The following ESR1 variants were observed in gnomAD, a reference collection of about 807,000 sequenced individuals.
ESR1 encodes estrogen receptor 1, also known as estrogen receptor.
A neutral mutation model predicts 52.7 loss-of-function variants in ESR1; 12 were observed. The observed-to-expected ratio is 0.23, with a 90% CI of 0.15 to 0.37. The LOEUF (loss-of-function observed/expected upper bound fraction) is 0.37. Among genes scored for constraint, ESR1 ranks in the 10% least tolerant of loss-of-function variants. The pLI is 1.00. For synonymous variants in ESR1, 305 were observed against 316.8 expected (o/e 0.96, Z 0.39); for missense variants, 584 against 779.7 (o/e 0.75, Z 2.99).
At chr6:152,120,857 G>A (rs2051307606) in intron 6 of ESR1, among the ~76,000 whole-genome samples, 1 of 152,182 alleles carries the variant, frequency 6.6e-6, no homozygotes, top group Non-Finnish European at 1.5e-5. Context: ...CAGGCAAGGT[G>A]AAGGGCCTCA....
chr6:151,799,900 A>G (rs1777067150), upstream of ESR1, among the ~76,000 whole-genome samples: 1 of 152,190 alleles, frequency 6.6e-6, no homozygotes, highest in East Asian at 1.9e-4. Flanking sequence ...TGAGGAACTT[A>G]AAAGAAATCC....
At chr6:152,078,432 A>G (rs1274242680) in intron 6 of ESR1, among the ~76,000 whole-genome samples, 1 of 151,918 alleles carries the variant, frequency 6.6e-6, no homozygotes, top group East Asian at 1.9e-4. Context: ...TGGGTTAGAT[A>G]CTCTTTTATA....
At chr6:151,893,709 T>C (rs1038028130) in intron 3 of ESR1, among the ~76,000 whole-genome samples, 1 of 152,154 alleles carries the variant, frequency 6.6e-6, no homozygotes, top group Admixed American at 6.5e-5. Context: ...ACTTACATCT[T>C]ATTTTGGACC....
rs193275114 is a variant in ESR1 at position 151,875,818 on chromosome 6, G to T, written c.644-4837G>T. Among the ~76,000 whole-genome samples, 12 of 152,296 alleles carry T rather than the reference G, an allele frequency of 7.9e-5. No homozygotes were observed. In the East Asian group the frequency reaches 2.3e-3, roughly 29 times the overall value. On this transcript the variant is annotated intron_variant, in intron 2 of 7. Transcript: ENST00000206249. ...TCAGAGCTTGGATGGGAGTTAGAGC[G>T]GGGAGAGAAGGCAAGGAAAAACATA...
At chr6:151,721,899 G>A (rs1781487226) in intron 2 of ESR1, among the ~76,000 whole-genome samples, 1 of 152,210 alleles carries the variant, frequency 6.6e-6, no homozygotes, top group African/African-American at 2.4e-5. Context: ...TCCTCAGGGA[G>A]CTGGATGTAC....
chr6:152,006,811 T>G (rs1489081419), intron 4 of ESR1, among the ~76,000 whole-genome samples: 1 of 152,086 alleles, frequency 6.6e-6, no homozygotes, highest in Non-Finnish European at 1.5e-5. Flanking sequence ...AGAAAATGAT[T>G]ATCTCTTTTG....
chr6:151,677,354 T>C (rs1778287700), intron 1 of ESR1, among the ~76,000 whole-genome samples: 1 of 152,230 alleles, frequency 6.6e-6, no homozygotes, highest in Admixed American at 6.5e-5. Flanking sequence ...TGGGAATTAA[T>C]GTGCTTGATG....
chr6:151,701,095 T>G lies in ESR1; in HGVS notation c.-201-780T>G, dbSNP rs73619434. On this transcript the variant is annotated intron_variant, in intron 1 of 2. Coordinates refer to the ESR1 transcript ENST00000404742. ...TTTCTCACTTGCTCTGTGCAGTGAC[T>G]GCTTTTTCAACCATGTAACAACGTC... Among the ~76,000 whole-genome samples the G allele has an allele frequency of 3.3e-3, 496 of 152,342 alleles. 1 individual carries two copies. Among genetic ancestry groups the G allele is most frequent in the African/African-American group, 8.9e-3 (369 of 41,572 alleles).
intron 5 of ESR1, among the ~76,000 whole-genome samples, chr6:152,028,194 C>T (rs1423519245): frequency 1.3e-5 from 2 of 152,116 alleles, no homozygotes; most frequent in Admixed American, 6.6e-5. Flanking sequence ...AGGAACAGCT[C>T]CAGTCTGCAG....
intron 3 of ESR1, among the ~76,000 whole-genome samples, chr6:151,901,144 G>A (rs1436624590): frequency 6.6e-6 from 1 of 152,132 alleles, no homozygotes; most frequent in Non-Finnish European, 1.5e-5. Context: ...AGGGGGGTGA[G>A]GTTCCCAGGT....
chr6:152,125,629 T>A (rs1218607674), exon 7 of ESR1: 9 of 343,824 alleles, frequency 2.6e-5, no homozygotes, highest in Non-Finnish European at 4.3e-5. Context: ...TGTAGCTAGA[T>A]GAGTTATAAC....
At chr6:151,899,459 A>G (rs1177389124) in intron 3 of ESR1, among the ~76,000 whole-genome samples, 3 of 122,854 alleles carry the variant, frequency 2.4e-5, no homozygotes, top group African/African-American at 6.3e-5. Flanking sequence ...CGGACTGGGC[A>G]GCTGGCCAGG....
At chr6:151,902,158 A>G (rs1368399712) in intron 3 of ESR1, among the ~76,000 whole-genome samples, 1 of 152,206 alleles carries the variant, frequency 6.6e-6, no homozygotes, top group Non-Finnish European at 1.5e-5. Context: ...CACTGACCAC[A>G]ACATCCAGGC....
intron 2 of ESR1, among the ~76,000 whole-genome samples, chr6:151,703,191 G>T (rs1418733034): frequency 6.6e-6 from 1 of 152,116 alleles, no homozygotes; most frequent in Non-Finnish European, 1.5e-5. Flanking sequence ...TTTTTAGCTG[G>T]ACCTTTTCTA....
chr6:151,959,810 C>T (rs1263759680), intron 4 of ESR1, among the ~76,000 whole-genome samples: 1 of 152,072 alleles, frequency 6.6e-6, no homozygotes, highest in Non-Finnish European at 1.5e-5. Flanking sequence ...ATTTCTTGAC[C>T]TCCAGAACTA....
At chr6:152,113,175 T>G (rs1187624064) in intron 6 of ESR1, 1 of 152,296 alleles carries the variant, frequency 6.6e-6, no homozygotes, top group Non-Finnish European at 1.5e-5. Flanking sequence ...AGTAAGTAGT[T>G]TAGGCATTTC....
intron 2 of ESR1, among the ~76,000 whole-genome samples, chr6:151,705,930 C>G (rs982398426): frequency 6.6e-6 from 1 of 152,194 alleles, no homozygotes; most frequent in South Asian, 2.1e-4. Context: ...GTCTACCTAA[C>G]AAGGTCACAC....
At chr6:152,029,257 G>A (rs1463677427) in intron 5 of ESR1, among the ~76,000 whole-genome samples, 1 of 152,234 alleles carries the variant, frequency 6.6e-6, no homozygotes, top group African/African-American at 2.4e-5. Flanking sequence ...AAGGAACGCA[G>A]CTCCTCACCA....
chr6:152,043,072 A>G (rs889332106), intron 5 of ESR1, among the ~76,000 whole-genome samples: 1 of 152,140 alleles, frequency 6.6e-6, no homozygotes, highest in African/African-American at 2.4e-5. Flanking sequence ...GGTCAAAGGT[A>G]TATCTTCTGT....
Sources: gnomAD v4.1 joint callset for allele counts (sites outside exome capture counted in the v4.1 genomes callset) on GRCh38, gnomAD v4.1.1 for gene constraint, MANE v1.5 for transcripts, NCBI Gene and HGNC (gene_info 2026-07-23, HGNC 2026-07-21) for gene names.